SRD5A1: variants seen among roughly 807,000 people sequenced by gnomAD.
SRD5A1 encodes the protein steroid 5 alpha-reductase 1.
A neutral mutation model predicts 28.2 loss-of-function variants in SRD5A1; 22 were observed. The observed-to-expected ratio is 0.78, with a 90% CI of 0.56 to 1.12. The LOEUF (loss-of-function observed/expected upper bound fraction) is 1.12, where lower values mean the gene tolerates loss of function less well. SRD5A1 is among the 50% of genes most tolerant of loss of function. The pLI is 0.00. For synonymous variants in SRD5A1, 151 were observed against 135.0 expected (o/e 1.12, Z -0.82); for missense variants, 300 against 346.7 (o/e 0.87, Z 1.07).
At chr5:6,642,907 AG>A (rs1738406289) in intron 1 of SRD5A1, among the ~76,000 whole-genome samples, 1 of 152,188 alleles carries the variant, frequency 6.6e-6, no homozygotes, top group African/African-American at 2.4e-5. Flanking sequence ...AGTCCATGAG[AG>A]GGATTGTCAT....
intron 1 of SRD5A1, among the ~76,000 whole-genome samples, chr5:6,638,833 T>G (rs566202): frequency 5.3e-5 from 8 of 152,008 alleles, no homozygotes; most frequent in African/African-American, 1.9e-4. Context: ...AAAGGCTAGG[T>G]GAAAGGAACA....
chr5:6,637,389 C>T (rs1410555845), intron 1 of SRD5A1, among the ~76,000 whole-genome samples: 1 of 152,128 alleles, frequency 6.6e-6, no homozygotes, highest in Non-Finnish European at 1.5e-5. Flanking sequence ...CTTCACTCTT[C>T]CCCACTGGTC....
rs942061457 is a variant in SRD5A1 at position 6,673,205 on chromosome 5, T to G, written c.*4937T>G. Reference sequence around the variant, plus strand: ...TCTTGAAAGATATATGAAGGGAATGTTGGCGCAATCAGTCTAGAAACATAT... The same window carrying G: ...TCTTGAAAGATATATGAAGGGAATGGTGGCGCAATCAGTCTAGAAACATAT... On this transcript the variant is annotated 3_prime_UTR_variant, in exon 5 of 5. Coordinates refer to ENST00000274192, the MANE Select transcript of SRD5A1 (RefSeq NM_001047.4). 6.6e-6 allele frequency: 1 copy of G among 152,206 alleles called. No homozygotes were observed. Among genetic ancestry groups the G allele is most frequent in the Admixed American group, 6.5e-5 (1 of 15,286 alleles). The allele number at this position is 152,206 out of a possible 1,614,324, so 9.4% of individuals were successfully genotyped here. A position where few individuals can be genotyped will look rare whatever the true frequency, so the allele number is the denominator to read the frequency against.
chr5:6,653,908 T>C lies in SRD5A1; in HGVS notation c.460+1900T>C, dbSNP rs371388401. Among the ~76,000 whole-genome samples, 35 of 152,278 alleles carry C rather than the reference T, an allele frequency of 2.3e-4. 1 individual carries two copies. The highest frequency in any genetic ancestry group is 7.5e-4 in the African/African-American group (31 of 41,548). On this transcript the variant is annotated intron_variant, in intron 2 of 4. Coordinates refer to ENST00000274192, the MANE Select transcript of SRD5A1 (RefSeq NM_001047.4). Reference sequence around the variant, plus strand: ...AGAAGGATTTGAAAAGGAAAAAATATGCCAAGTGGAAGACAATCTAGGTTA... The same window carrying C: ...AGAAGGATTTGAAAAGGAAAAAATACGCCAAGTGGAAGACAATCTAGGTTA...
chr5:6,647,366 GAC>G (rs1261293588), intron 1 of SRD5A1, among the ~76,000 whole-genome samples: 1 of 152,132 alleles, frequency 6.6e-6, no homozygotes, highest in Non-Finnish European at 1.5e-5. Context: ...GTCTAATATT[GAC>G]AGTGGGGTGT....
At chr5:6,653,614 A>G (rs1283778128) in intron 2 of SRD5A1, 2 of 152,212 alleles carry the variant, frequency 1.3e-5, no homozygotes, top group Admixed American at 1.3e-4. Context: ...CCACCACCTC[A>G]CCAAGCTGAG....
At chr5:6,644,591 T>G (rs1230902025) in intron 1 of SRD5A1, among the ~76,000 whole-genome samples, 1 of 152,178 alleles carries the variant, frequency 6.6e-6, no homozygotes, top group Non-Finnish European at 1.5e-5. Context: ...CTCAGCTTGG[T>G]ACACTGAGGG....
chr5:6,666,078 CTAAT>C (rs1739159522), intron 4 of SRD5A1, among the ~76,000 whole-genome samples: 1 of 152,008 alleles, frequency 6.6e-6, no homozygotes, highest in Admixed American at 6.6e-5. Flanking sequence ...ATAAACCCAA[CTAAT>C]TAAGCCATCA....
intron 2 of SRD5A1, among the ~76,000 whole-genome samples, chr5:6,652,356 C>G (rs189805002): frequency 2.8e-4 from 42 of 152,282 alleles, no homozygotes; most frequent in African/African-American, 9.6e-4. Flanking sequence ...GCGGTTCCTT[C>G]CATGACATGA....
At position 6,639,142 on chromosome 5, in the gene SRD5A1, T is replaced by A. The variant is rs192801387; in HGVS notation, c.293+5273T>A. ...AAACCAAGGGATTATTATTCCAGTT[T>A]GTTGGGAAAATATTTCAAGACATAC... On this transcript the variant is annotated intron_variant, in intron 1 of 4. Transcript: ENST00000274192. 1.3e-3 allele frequency among the ~76,000 whole-genome samples: 204 copies of A among 152,344 alleles called. 3 individuals carry two copies. The highest frequency in any genetic ancestry group is 4.5e-3 in the African/African-American group (189 of 41,586).
chr5:6,654,061 ATT>A (rs200581557), intron 2 of SRD5A1, among the ~76,000 whole-genome samples: 32,938 of 149,660 alleles, frequency 0.22, 4,171 homozygotes, highest in African/African-American at 0.34. Flanking sequence ...ATAATAATAT[ATT>A]TTTTTTTTTG....
In SRD5A1 at chr5:6,670,597, A is replaced by ATATACAGCT. The variant is rs1177114929; in HGVS notation, c.*2329_*2330insTATACAGCT. The ATATACAGCT allele has an allele frequency of 2.0e-5, 3 of 152,386 alleles. No individual in the cohort carries two copies. In the East Asian group the frequency reaches 5.8e-4, roughly 29 times the overall value. The allele number at this position is 152,386 out of a possible 1,614,324, so 9.4% of individuals were successfully genotyped here. The stretch of plus-strand genomic sequence containing the variant: ...GCACTTACTGTATATCAAGCACAGC[A>ATATACAGCT]GTGGGTGCTGAGGACGGATGGGTAG... On this transcript the variant is annotated 3_prime_UTR_variant, in exon 5 of 5. Coordinates refer to ENST00000274192, the MANE Select transcript of SRD5A1 (RefSeq NM_001047.4).
chr5:6,652,597 G>A (rs1172877779), intron 2 of SRD5A1, among the ~76,000 whole-genome samples: 1 of 152,096 alleles, frequency 6.6e-6, no homozygotes, highest in South Asian at 2.1e-4. Flanking sequence ...CTCTGGCTGG[G>A]TGCAGTGGCT....
chr5:6,647,360 A>G (rs1349899427), intron 1 of SRD5A1, among the ~76,000 whole-genome samples: 2 of 152,166 alleles, frequency 1.3e-5, no homozygotes, highest in African/African-American at 4.8e-5. Context: ...TGATCTGTCT[A>G]ATATTGACAG....
intron 1 of SRD5A1, among the ~76,000 whole-genome samples, chr5:6,640,234 A>G (rs1421203795): frequency 6.6e-6 from 1 of 152,224 alleles, no homozygotes; most frequent in African/African-American, 2.4e-5. Context: ...TAGGGATAAT[A>G]GTCACAGTTT....
intron 1 of SRD5A1, among the ~76,000 whole-genome samples, chr5:6,636,740 A>G (rs928622026): frequency 6.6e-6 from 1 of 152,236 alleles, no homozygotes; most frequent in African/African-American, 2.4e-5. Flanking sequence ...GTATTTATTC[A>G]GCAAACACTT....
intron 2 of SRD5A1, among the ~76,000 whole-genome samples, chr5:6,652,949 A>G (rs1738722810): frequency 6.6e-6 from 1 of 151,720 alleles, no homozygotes; most frequent in Non-Finnish European, 1.5e-5. Flanking sequence ...AGTCTATCCT[A>G]GCATTTAGAT....
chr5:6,652,809 G>C (rs1226629750), intron 2 of SRD5A1, among the ~76,000 whole-genome samples: 1 of 150,054 alleles, frequency 6.7e-6, no homozygotes, highest in East Asian at 2.0e-4. Context: ...AGGAGATCAA[G>C]GCTGCAGTAA....
At chr5:6,653,375 C>T (rs1336423752) in intron 2 of SRD5A1, 1 of 152,206 alleles carries the variant, frequency 6.6e-6, no homozygotes, top group Non-Finnish European at 1.5e-5. Context: ...AACTGTTGTA[C>T]ACTACCCCCA....
Sources: allele counts gnomAD v4.1 joint callset (sites outside exome capture counted in the v4.1 genomes callset), GRCh38; gene constraint gnomAD v4.1.1; transcripts MANE v1.5; gene names NCBI Gene and HGNC (gene_info 2026-07-23, HGNC 2026-07-21).